The following MTMR2 variants were observed in gnomAD, a reference collection of about 807,000 sequenced individuals.
MTMR2 encodes the protein phosphatidylinositol-3,5-bisphosphate 3-phosphatase MTMR2.
MTMR2 carries 55 observed loss-of-function variants against 86.9 expected under a neutral mutation model. The observed-to-expected ratio is 0.63, with a 90% CI of 0.51 to 0.79. The LOEUF is 0.79. Ranked by LOEUF, MTMR2 falls within the 30% of genes least tolerant of loss-of-function variation. The pLI is 0.00. For missense variants in MTMR2, 659 were observed against 772.3 expected (o/e 0.85, Z 1.74); for synonymous variants, 241 against 266.8 (o/e 0.90, Z 0.94).
At chr11:95,907,474 C>T (rs748902167) in intron 1 of MTMR2, among the ~76,000 whole-genome samples, 17 of 151,852 alleles carry the variant, frequency 1.1e-4, no homozygotes, top group Non-Finnish European at 2.1e-4. Flanking sequence ...AAACTATTCC[C>T]CCCAAAAAAA....
chr11:95,855,441 G>C (rs900534235), intron 7 of MTMR2, among the ~76,000 whole-genome samples: 4 of 150,236 alleles, frequency 2.7e-5, no homozygotes, highest in Admixed American at 2.0e-4. Flanking sequence ...TTGTATAGAT[G>C]GTGTTTCACT....
In MTMR2 at chr11:95,835,202, G is replaced by T; in HGVS notation, c.*88C>A. On this transcript the variant is annotated 3_prime_UTR_variant, in exon 15 of 15. Coordinates refer to ENST00000346299, the MANE Select transcript of MTMR2 (RefSeq NM_016156.6). Reference sequence around the variant, plus strand: ...AGTGACTGAACTTTCTCTCATAGATGGGTTCTAAATTCCGAAGACTTTCTA... The same window carrying T: ...AGTGACTGAACTTTCTCTCATAGATTGGTTCTAAATTCCGAAGACTTTCTA... 3 of 1,320,048 alleles carry T rather than the reference G, an allele frequency of 2.3e-6. No homozygotes were observed. The highest frequency in any genetic ancestry group is 2.4e-5 in the East Asian group (1 of 42,030). 81.8% of individuals were successfully genotyped at this position (1,320,048 alleles called of 1,614,324 possible). A position where few individuals can be genotyped will look rare whatever the true frequency, so the allele number is the denominator to read the frequency against.
intron 3 of MTMR2, among the ~76,000 whole-genome samples, chr11:95,863,754 A>G (rs760346909): frequency 2.6e-5 from 4 of 152,176 alleles, no homozygotes; most frequent in Non-Finnish European, 5.9e-5. Context: ...TTCTAAAATC[A>G]TGAGATAATA....
At chr11:95,895,282 T>G (rs1865845417) in intron 1 of MTMR2, among the ~76,000 whole-genome samples, 1 of 152,082 alleles carries the variant, frequency 6.6e-6, no homozygotes, top group Non-Finnish European at 1.5e-5. Context: ...ATCAACTATT[T>G]CAGATGGCTC....
At position 95,837,854 on chromosome 11, in the gene MTMR2, GAA is replaced by G. The variant is rs1431625293; in HGVS notation, c.1593+238_1593+239del. Among the ~76,000 whole-genome samples, 4 of 152,102 alleles carry G rather than the reference GAA, an allele frequency of 2.6e-5. No individual in the cohort carries two copies. The East Asian group carries it at 5.8e-4, about 22-fold the overall frequency. On this transcript the variant is annotated intron_variant, in intron 13 of 14. Coordinates refer to ENST00000346299, the MANE Select transcript of MTMR2 (RefSeq NM_016156.6). ...TCACGTACTTCAGTTCTCTTTAGCA[GAA>G]ACCACTTCCCACTCATGAACTCAGC...
rs149010522 is a variant in MTMR2, at chr11:95,886,018, T to C, written c.186+2138A>G. On this transcript the variant is annotated intron_variant, in intron 2 of 14. Transcript: ENST00000346299. ...TACCATCAAGTCATCAAAAACAAGA[T>C]ACAGTCTGACACAGTCATCAAAAAC... Among the ~76,000 whole-genome samples the C allele has an allele frequency of 1.3e-4, 20 of 152,112 alleles. No individual in the cohort carries two copies. In the East Asian group the frequency reaches 2.7e-3, roughly 21 times the overall value.
rs1350960028 is a variant in MTMR2, at chr11:95,859,062, C to T, written c.469-430G>A. ...TGATTAGTAGTTGTTACATTTCATA[C>T]GTGTCTTCAGTTCATTATATCTGGT... On this transcript the variant is annotated intron_variant, in intron 5 of 14. Transcript: ENST00000346299. Among the ~76,000 whole-genome samples the T allele has an allele frequency of 2.0e-5, 3 of 152,160 alleles. No homozygotes were observed. The South Asian group carries it at 6.2e-4, about 31-fold the overall frequency.
intron 2 of MTMR2, among the ~76,000 whole-genome samples, chr11:95,877,428 C>T (rs756961597): frequency 1.5e-5 from 2 of 132,184 alleles, no homozygotes; most frequent in Non-Finnish European, 3.1e-5. Context: ...AGCTGGAAAA[C>T]GTTACATCAC....
intron 6 of MTMR2, 137 bp from the exon 7 acceptor site, chr11:95,857,772 T>C: frequency 3.1e-6 from 2 of 651,496 alleles, no homozygotes; most frequent in Non-Finnish European, 5.5e-6. Flanking sequence ...TTTTTTGTAT[T>C]ATAGTTTTTG....
At chr11:95,857,970 A>C (rs1864270719) in intron 6 of MTMR2, among the ~76,000 whole-genome samples, 1 of 152,174 alleles carries the variant, frequency 6.6e-6, no homozygotes, top group African/African-American at 2.4e-5. Context: ...TGTGAAAAAA[A>C]TTTGAACTGG....
rs143568621 is a variant in MTMR2, at chr11:95,897,233, G to A, written c.81-8972C>T. Among the ~76,000 whole-genome samples, 306 of 152,186 alleles carry A rather than the reference G, an allele frequency of 2.0e-3. 4 individuals carry two copies. Among genetic ancestry groups the A allele is most frequent in the African/African-American group, 6.9e-3 (285 of 41,530 alleles). ...TCTCTTTTAGTTCTAAAGTGGTCCA[G>A]GGCTTCTGAAATGAGTATTCTGCCT... is the stretch of plus-strand genomic sequence containing the variant. On this transcript the variant is annotated intron_variant, in intron 1 of 14. Coordinates refer to ENST00000346299, the MANE Select transcript of MTMR2 (RefSeq NM_016156.6).
chr11:95,857,287 G>C (rs866939562), intron 7 of MTMR2, among the ~76,000 whole-genome samples: 6 of 152,016 alleles, frequency 3.9e-5, no homozygotes, highest in Middle Eastern at 3.2e-3. Flanking sequence ...GTGGACAGGA[G>C]GAAAGTTAAA....
Position 95,877,334 on chromosome 11 carries a change from T to TTTG in MTMR2, c.186+10821_186+10822insCAA, listed in dbSNP as rs1865158434. On this transcript the variant is annotated intron_variant, in intron 2 of 14. Transcript: ENST00000346299. Reference sequence around the variant, plus strand: ...TCAAGATCAAGCACAGGGAAGCCCTTTTTTTTTTTTTTTTTTTTTTTTTTT... The same window carrying TTTG: ...TCAAGATCAAGCACAGGGAAGCCCTTTTGTTTTTTTTTTTTTTTTTTTTTTTTT... Among the ~76,000 whole-genome samples the TTTG allele has an allele frequency of 3.2e-5, 4 of 125,038 alleles. No individual in the cohort carries two copies. The South Asian group carries it at 1.1e-3, about 34-fold the overall frequency. 82.0% of individuals were successfully genotyped at this position (125,038 alleles called of 152,430 possible).
At chr11:95,917,309 G>A (rs1039990399) in intron 1 of MTMR2, among the ~76,000 whole-genome samples, 2 of 152,108 alleles carry the variant, frequency 1.3e-5, no homozygotes, top group African/African-American at 2.4e-5. Flanking sequence ...TGAATCGCAC[G>A]CAATCTTTGG....
intron 10 of MTMR2, 42 bp from the exon 11 acceptor site, chr11:95,845,201 A>G (rs1467042633): frequency 2.6e-6 from 4 of 1,531,294 alleles, no homozygotes; most frequent in Non-Finnish European, 3.6e-6. Context: ...TAAACAAGGT[A>G]AATACTTCCT....
intron 1 of MTMR2, among the ~76,000 whole-genome samples, chr11:95,923,033 A>C (rs901918719): frequency 1.3e-5 from 2 of 152,188 alleles, no homozygotes; most frequent in African/African-American, 4.8e-5. Flanking sequence ...ATTTTTTAAA[A>C]AATTTTTAAA....
intron 5 of MTMR2, among the ~76,000 whole-genome samples, chr11:95,860,028 C>T (rs183845769): frequency 7.2e-5 from 11 of 152,254 alleles, no homozygotes; most frequent in African/African-American, 1.9e-4. Context: ...TTATTGATAA[C>T]GATCCTGTTC....
intron 10 of MTMR2, 60 bp downstream of exon 10, chr11:95,847,654 G>T: frequency 7.0e-7 from 1 of 1,437,132 alleles, no homozygotes; most frequent in Non-Finnish European, 9.8e-7. Context: ...TAAGTAAAAA[G>T]CTAATATAAA....
chr11:95,907,359 G>C (rs534753545), intron 1 of MTMR2, among the ~76,000 whole-genome samples: 26 of 151,994 alleles, frequency 1.7e-4, no homozygotes, highest in African/African-American at 5.8e-4. Flanking sequence ...TTCCAAAATT[G>C]AATCAATAAT....
Sources: gnomAD v4.1 joint callset for allele counts (sites outside exome capture counted in the v4.1 genomes callset) on GRCh38, gnomAD v4.1.1 for gene constraint, MANE v1.5 for transcripts, NCBI Gene and HGNC (gene_info 2026-07-23, HGNC 2026-07-21) for gene names.